The following BCL9 variants were observed in gnomAD, a reference collection of about 807,000 sequenced individuals.
The protein encoded by BCL9 is B-cell CLL/lymphoma 9 protein.
A neutral mutation model predicts 88.5 loss-of-function variants in BCL9; 25 were observed. The ratio of observed to expected loss-of-function variants is 0.28; its 90% CI spans 0.21 to 0.39. The LOEUF is 0.39. Ranked by LOEUF, BCL9 falls within the 10% of genes least tolerant of loss-of-function variation. The pLI is 1.00. For synonymous variants in BCL9, 711 were observed against 673.3 expected, an observed-to-expected ratio of 1.06 and a Z score of -0.87; for missense variants, 1,817 against 1,877.8, an observed-to-expected ratio of 0.97 and a Z score of 0.60.
chr1:147,584,428 T>C (rs906185467), intron 1 of BCL9, among the ~76,000 whole-genome samples: 2 of 152,330 alleles, frequency 1.3e-5, no homozygotes, highest in Middle Eastern at 3.4e-3. Flanking sequence ...TCTGGAATTA[T>C]TTGTTTTATA....
At chr1:147,573,927 A>C (rs1239867663) in intron 1 of BCL9, among the ~76,000 whole-genome samples, 1 of 151,924 alleles carries the variant, frequency 6.6e-6, no homozygotes, top group African/African-American at 2.4e-5. Flanking sequence ...TAAAATGTGG[A>C]GCTTAGTTCA....
chr1:147,608,419 A>C (rs1657839788), intron 3 of BCL9, among the ~76,000 whole-genome samples: 1 of 141,692 alleles, frequency 7.1e-6, no homozygotes, highest in East Asian at 2.2e-4. Context: ...GGGGATGGCC[A>C]GAGGGGAAAA....
At chr1:147,592,104 C>T (rs1425348631) in intron 1 of BCL9, among the ~76,000 whole-genome samples, 3 of 152,138 alleles carry the variant, frequency 2.0e-5, no homozygotes, top group Non-Finnish European at 4.4e-5. Context: ...GTTCCTTAAC[C>T]ACCTGGATAG....
intron 1 of BCL9, 112 bp from the exon 2 acceptor site, chr1:147,604,665 C>G (rs1361048192): frequency 6.6e-6 from 1 of 152,196 alleles, no homozygotes; most frequent in African/African-American, 2.4e-5. Flanking sequence ...TGTTTTCTTA[C>G]TGTTTCTTCT....
At chr1:147,610,412 G>C (rs1657935379) in intron 3 of BCL9, among the ~76,000 whole-genome samples, 1 of 152,142 alleles carries the variant, frequency 6.6e-6, no homozygotes, top group South Asian at 2.1e-4. Context: ...GACTATTGCA[G>C]ATTTCTAAAT....
chr1:147,565,364 C>T (rs1199351657), intron 1 of BCL9, among the ~76,000 whole-genome samples: 1 of 152,190 alleles, frequency 6.6e-6, no homozygotes, highest in African/African-American at 2.4e-5. Context: ...ATAGAGGAGG[C>T]TTACATTCCT....
rs868930638 is a variant in BCL9, at chr1:147,625,068, C to A, written c.*109C>A. The A allele has an allele frequency of 5.8e-6, 8 of 1,383,230 alleles. No individual in the cohort carries two copies. Among genetic ancestry groups the A allele is most frequent in the Middle Eastern group, 2.5e-4 (1 of 3,998 alleles). 85.7% of individuals were successfully genotyped at this position (1,383,230 alleles called of 1,614,324 possible). On this transcript the variant is annotated 3_prime_UTR_variant, in exon 10 of 10. Coordinates refer to ENST00000234739, the MANE Select transcript of BCL9 (RefSeq NM_004326.4). ...TACTATTGGTCATGCAATAGGAGAA[C>A]AGAGACCCGAGGGCTGCTTTGGGGG...
chr1:147,557,723 A>C (rs1655182479), intron 1 of BCL9, among the ~76,000 whole-genome samples: 1 of 152,202 alleles, frequency 6.6e-6, no homozygotes, highest in African/African-American at 2.4e-5. Context: ...TTATATATGC[A>C]TGTCTATAAA....
intron 1 of BCL9, among the ~76,000 whole-genome samples, chr1:147,566,759 AAAAAAAG>A (rs1421201123): frequency 3.0e-3 from 1 of 330 alleles, no homozygotes; most frequent in African/African-American, 0.013. Flanking sequence ...GCTGTCTCAA[AAAAAAAG>A]AAAAAAAAAG....
chr1:147,607,476 C>T (rs1237307132), intron 3 of BCL9, among the ~76,000 whole-genome samples: 2 of 152,128 alleles, frequency 1.3e-5, no homozygotes, highest in Admixed American at 6.5e-5. Flanking sequence ...GAATGTTACA[C>T]AGATGATCAC....
intron 1 of BCL9, among the ~76,000 whole-genome samples, chr1:147,602,591 A>G (rs991396070): frequency 7.9e-5 from 12 of 152,210 alleles, no homozygotes; most frequent in African/African-American, 2.4e-4. Flanking sequence ...TATGACTTAG[A>G]GATTTGGAAT....
rs587759750 is a variant in BCL9, at chr1:147,625,097, G to A, written c.*138G>A. 3.2e-5 allele frequency: 34 copies of A among 1,051,938 alleles called. 1 individual carries two copies. In the South Asian group the frequency reaches 7.3e-4, roughly 23 times the overall value. The allele number at this position is 1,051,938 out of a possible 1,614,324, so 65.2% of individuals were successfully genotyped here. On this transcript the variant is annotated 3_prime_UTR_variant, in exon 10 of 10. Coordinates refer to ENST00000234739, the MANE Select transcript of BCL9 (RefSeq NM_004326.4). ...GACCCGAGGGCTGCTTTGGGGGAGG[G>A]GGGAACTCGAGAATGTATGGATTTA...
At chr1:147,623,494 G>A (rs1367327262) in intron 9 of BCL9, among the ~76,000 whole-genome samples, 4 of 152,262 alleles carry the variant, frequency 2.6e-5, no homozygotes, top group African/African-American at 7.2e-5. Context: ...CAAAAGGACC[G>A]TACTTGAGTC....
At chr1:147,583,910 G>A (rs782719982) in intron 1 of BCL9, among the ~76,000 whole-genome samples, 9 of 152,008 alleles carry the variant, frequency 5.9e-5, no homozygotes, top group South Asian at 4.1e-4. Flanking sequence ...CCAAGATTGC[G>A]CCACTGCCCT....
intron 1 of BCL9, among the ~76,000 whole-genome samples, chr1:147,547,861 A>G (rs1324624887): frequency 1.3e-5 from 2 of 152,260 alleles, no homozygotes; most frequent in African/African-American, 2.4e-5. Context: ...GCTAAACATT[A>G]TAAAGGAAAA....
intron 1 of BCL9, among the ~76,000 whole-genome samples, chr1:147,602,072 T>C (rs1175825243): frequency 6.6e-6 from 1 of 151,874 alleles, no homozygotes; most frequent in Non-Finnish European, 1.5e-5. Context: ...AGCTAATTTA[T>C]GTACTTTTAG....
chr1:147,577,917 T>C (rs782446990), intron 1 of BCL9, among the ~76,000 whole-genome samples: 4 of 151,646 alleles, frequency 2.6e-5, no homozygotes, highest in African/African-American at 4.9e-5. Context: ...GTGGCTATAA[T>C]TGATATGACA....
chr1:147,566,900 G>A lies in BCL9; in HGVS notation c.-478+25226G>A, dbSNP rs17160439. Among the ~76,000 whole-genome samples, 877 of 152,284 alleles carry A rather than the reference G, an allele frequency of 5.8e-3. 8 individuals are homozygous for A. Among genetic ancestry groups the A allele is most frequent in the African/African-American group, 0.019 (800 of 41,552 alleles). ...GCTAGGTGGAAGCTAATCACAGAAA[G>A]TCTGAATATGTAAAGTTATTGCATC... On this transcript the variant is annotated intron_variant, in intron 1 of 9. Coordinates refer to ENST00000234739, the MANE Select transcript of BCL9 (RefSeq NM_004326.4).
At chr1:147,584,229 T>C (rs1030952548) in intron 1 of BCL9, among the ~76,000 whole-genome samples, 1 of 152,056 alleles carries the variant, frequency 6.6e-6, no homozygotes, top group Non-Finnish European at 1.5e-5. Flanking sequence ...GTATTTTTAG[T>C]AGAGACGAGG....
Sources: gnomAD v4.1 joint callset for allele counts (sites outside exome capture counted in the v4.1 genomes callset) on GRCh38, gnomAD v4.1.1 for gene constraint, MANE v1.5 for transcripts, NCBI Gene and HGNC (gene_info 2026-07-23, HGNC 2026-07-21) for gene names.